Variants in ENTREP2 observed in about 807,000 individuals in gnomAD.
ENTREP2 encodes protein ENTREP2.
chr15:29,534,240 G>A, the ENTREP2 span, among the ~76,000 whole-genome samples: 1 of 151,996 alleles, frequency 6.6e-6, no homozygotes, highest in East Asian at 1.9e-4. Flanking sequence ...CCTAACTACT[G>A]GGAATCTATT....
At chr15:29,329,346 G>A in the ENTREP2 span, among the ~76,000 whole-genome samples, 1 of 148,834 alleles carries the variant, frequency 6.7e-6, no homozygotes, top group Non-Finnish European at 1.5e-5. Context: ...CTGGGTGACA[G>A]AGCAAGGCTC....
the ENTREP2 span, among the ~76,000 whole-genome samples, chr15:29,624,686 G>T: frequency 0.23 from 34,227 of 152,038 alleles, 4,896 homozygotes; most frequent in African/African-American, 0.4. Flanking sequence ...AAAATAATTG[G>T]AGACCCACAG....
the ENTREP2 span, among the ~76,000 whole-genome samples, chr15:29,509,841 G>A: frequency 2.3e-3 from 344 of 152,266 alleles, 1 homozygote; most frequent in African/African-American, 7.7e-3. Context: ...ACACAGGCAT[G>A]AGCAAAGACT....
At chr15:29,132,022 C>T in the ENTREP2 span, among the ~76,000 whole-genome samples, 1 of 152,136 alleles carries the variant, frequency 6.6e-6, no homozygotes, top group African/African-American at 2.4e-5. Context: ...AGGCCGCCCC[C>T]TCTTGGGTTA....
At chr15:29,118,263 C>A in the ENTREP2 span, 2 of 152,528 alleles carry the variant, frequency 1.3e-5, no homozygotes, top group African/African-American at 4.8e-5. Flanking sequence ...CATGCAGCTA[C>A]CCGTAGGAAG....
the ENTREP2 span, among the ~76,000 whole-genome samples, chr15:29,403,825 T>G: frequency 1.3e-5 from 2 of 152,170 alleles, no homozygotes; most frequent in East Asian, 1.9e-4. Flanking sequence ...GAGAGCCCAG[T>G]TGTACCCTGA....
the ENTREP2 span, chr15:29,381,820 C>T: frequency 3.9e-6 from 6 of 1,551,566 alleles, no homozygotes; most frequent in Non-Finnish European, 2.6e-6. Flanking sequence ...CTATGAGTCC[C>T]GACAGCAGCA....
At chr15:29,222,743 G>A in the ENTREP2 span, among the ~76,000 whole-genome samples, 1 of 152,170 alleles carries the variant, frequency 6.6e-6, no homozygotes, top group Admixed American at 6.5e-5. Flanking sequence ...AGGGGGCCCT[G>A]CAGGGCCACC....
the ENTREP2 span, among the ~76,000 whole-genome samples, chr15:29,410,470 T>G: frequency 6.6e-6 from 1 of 151,770 alleles, no homozygotes; most frequent in Non-Finnish European, 1.5e-5. Context: ...GCGACGGGTC[T>G]CGGGGAGGCA....
At chr15:29,390,512 C>T in the ENTREP2 span, among the ~76,000 whole-genome samples, 444 of 152,252 alleles carry the variant, frequency 2.9e-3, 1 homozygote, top group Non-Finnish European at 5.0e-3. Flanking sequence ...GTCACAAGGA[C>T]GCCAACTCGC....
the ENTREP2 span, among the ~76,000 whole-genome samples, chr15:29,335,849 T>C: frequency 6.6e-6 from 1 of 152,132 alleles, no homozygotes; most frequent in African/African-American, 2.4e-5. Context: ...CATGAAAACA[T>C]TCCTTGCTGG....
the ENTREP2 span, among the ~76,000 whole-genome samples, chr15:29,119,970 G>A: frequency 6.6e-6 from 1 of 152,244 alleles, no homozygotes; most frequent in Non-Finnish European, 1.5e-5. Flanking sequence ...AAACATCTGA[G>A]CCATGGCCTG....
chr15:29,511,297 A>C, the ENTREP2 span, among the ~76,000 whole-genome samples: 1 of 151,922 alleles, frequency 6.6e-6, no homozygotes, highest in Non-Finnish European at 1.5e-5. Flanking sequence ...CAGCCTCCTT[A>C]TATCCAGAGT....
the ENTREP2 span, among the ~76,000 whole-genome samples, chr15:29,634,482 C>A: frequency 6.6e-6 from 1 of 152,334 alleles, no homozygotes; most frequent in Non-Finnish European, 1.5e-5. Context: ...TCTACTCTCA[C>A]CCCACAAAAA....
chr15:29,417,089 A>G, the ENTREP2 span, among the ~76,000 whole-genome samples: 1 of 152,252 alleles, frequency 6.6e-6, no homozygotes, highest in Non-Finnish European at 1.5e-5. Context: ...CAGTGTGGCT[A>G]TTCCTCAGGG....
At chr15:29,371,951 A>ATAGATAG in the ENTREP2 span, among the ~76,000 whole-genome samples, 4 of 127,550 alleles carry the variant, frequency 3.1e-5, no homozygotes, top group Non-Finnish European at 7.3e-5. Flanking sequence ...TAGATAGATA[A>ATAGATAG]AGAGATACAA....
the ENTREP2 span, among the ~76,000 whole-genome samples, chr15:29,670,685 C>T: frequency 1.3e-5 from 2 of 152,194 alleles, no homozygotes; most frequent in African/African-American, 2.4e-5. Context: ...GAGAATTGCT[C>T]GGGTCCCTCC....
At chr15:29,421,145 G>C in the ENTREP2 span, among the ~76,000 whole-genome samples, 1 of 152,200 alleles carries the variant, frequency 6.6e-6, no homozygotes, top group East Asian at 1.9e-4. Flanking sequence ...ACCTACTAGA[G>C]CTGAGCTGAG....
At chr15:29,388,497 G>C in the ENTREP2 span, among the ~76,000 whole-genome samples, 1 of 152,146 alleles carries the variant, frequency 6.6e-6, no homozygotes, top group Admixed American at 6.5e-5. Flanking sequence ...AGAGAAATAG[G>C]AACACTTTTA....
Sources: allele counts gnomAD v4.1 joint callset (sites outside exome capture counted in the v4.1 genomes callset), GRCh38; gene constraint gnomAD v4.1.1; transcripts MANE v1.5; gene names NCBI Gene and HGNC (gene_info 2026-07-23, HGNC 2026-07-21).